CEACAM3: variants seen among roughly 807,000 people sequenced by gnomAD.
The protein encoded by CEACAM3 is CEA cell adhesion molecule 3.
In CEACAM3, 32 loss-of-function variants were observed where a neutral mutation model predicts 30.1. The observed-to-expected ratio is 1.06, with a 90% CI of 0.80 to 1.43. The LOEUF (loss-of-function observed/expected upper bound fraction) is 1.43. Among genes scored for constraint, CEACAM3 ranks in the 40% most tolerant of loss-of-function variants. The probability of loss-of-function intolerance (pLI) is 0.00; values close to 1 mark genes in which losing one functional copy is unlikely to be tolerated. For synonymous variants in CEACAM3, 134 were observed against 127.2 expected (o/e 1.05, Z -0.36); for missense variants, 290 against 316.3 (o/e 0.92, Z 0.63).
At chr19:41,809,015 C>A in intron 3 of CEACAM3, 85 bp downstream of exon 3, 1 of 978,630 alleles carries the variant, frequency 1.0e-6, no homozygotes, top group Non-Finnish European at 1.5e-6. Context: ...GTATTCAGGG[C>A]CAGGCTCTCC....
intron 3 of CEACAM3, chr19:41,809,157 A>C: frequency 4.4e-6 from 1 of 225,754 alleles, no homozygotes; most frequent in African/African-American, 2.4e-5. Context: ...CCCACCCCTG[A>C]GTGTGGCCCT....
Position 41,797,719 on chromosome 19 carries a change from C to G in CEACAM3, c.195C>G (p.Tyr65Ter). 1.9e-6 allele frequency: 3 copies of G among 1,613,990 alleles called. No homozygotes were observed. The highest frequency in any genetic ancestry group is 2.5e-6 in the Non-Finnish European group (3 of 1,179,962). Residue 65 changes from tyrosine (Y) to a stop codon, truncating the protein, a stop_gained, in exon 2 of 7, where the codon TAC becomes TAG. Transcript: ENST00000357396. LOFTEE classifies it high-confidence loss of function. The part of the protein sequence containing the change: ...VHNLPQHLFG[Y>*]SWYKGERVDG... ...ATCTGCCCCAGCATCTTTTTGGCTA[C>G]AGCTGGTACAAAGGGGAAAGAGTGG...
chr19:41,801,213 T>C (rs1188611290), intron 2 of CEACAM3, among the ~76,000 whole-genome samples: 1 of 152,084 alleles, frequency 6.6e-6, no homozygotes, highest in Non-Finnish European at 1.5e-5. Context: ...GCTGTTCTGT[T>C]CCCTTCCCAC....
chr19:41,808,789 C>A, intron 2 of CEACAM3, 24 bp from the exon 3 acceptor site: 1 of 1,593,136 alleles, frequency 6.3e-7, no homozygotes, highest in Non-Finnish European at 8.6e-7. Context: ...GGCCTCTATC[C>A]CCTTTGCCTT....
chr19:41,803,851 G>T (rs777428614), intron 2 of CEACAM3, among the ~76,000 whole-genome samples: 19 of 152,046 alleles, frequency 1.2e-4, no homozygotes, highest in African/African-American at 4.1e-4. Flanking sequence ...AGGCTGAGGC[G>T]GGTGGATCAC....
At chr19:41,808,708 T>C (rs2073223344) in intron 2 of CEACAM3, 105 bp from the exon 3 acceptor site, 5 of 844,792 alleles carry the variant, frequency 5.9e-6, no homozygotes, top group Admixed American at 4.3e-5. Context: ...TCAGGCCCCA[T>C]GGCATCTCCT....
intron 2 of CEACAM3, among the ~76,000 whole-genome samples, chr19:41,802,820 G>T (rs782035732): frequency 3.3e-5 from 5 of 152,146 alleles, no homozygotes; most frequent in Non-Finnish European, 7.3e-5. Flanking sequence ...AGCCTAACTG[G>T]CCTGGCAGTG....
rs183470950 is a variant in CEACAM3 at position 41,802,690 on chromosome 19, C to A, written c.424+4742C>A. Among the ~76,000 whole-genome samples the A allele has an allele frequency of 2.0e-3, 300 of 152,332 alleles. 1 individual carries two copies. Among genetic ancestry groups the A allele is most frequent in the Non-Finnish European group, 3.0e-3 (206 of 68,036 alleles). ...AGGCAACAAAGATCCCCTCCTCCTT[C>A]CTGAAGCGGGAGGGGGAAAGGAATT... On this transcript the variant is annotated intron_variant, in intron 2 of 6. Coordinates refer to ENST00000357396, the MANE Select transcript of CEACAM3 (RefSeq NM_001815.5).
intron 1 of CEACAM3, 148 bp downstream of exon 1, chr19:41,796,889 A>G (rs1250742606): frequency 3.9e-6 from 3 of 762,320 alleles, no homozygotes; most frequent in Middle Eastern, 2.4e-4. Flanking sequence ...ACGGGTCACA[A>G]CAAGACAATC....
chr19:41,808,716 CCTT>C, intron 2 of CEACAM3, 94 bp from the exon 3 acceptor site: 1 of 931,954 alleles, frequency 1.1e-6, no homozygotes, highest in Non-Finnish European at 1.7e-6. Flanking sequence ...CATGGCATCT[CCTT>C]CTTCCCTGAC....
At chr19:41,801,035 C>T (rs761882891) in intron 2 of CEACAM3, among the ~76,000 whole-genome samples, 1 of 152,138 alleles carries the variant, frequency 6.6e-6, no homozygotes, top group Admixed American at 6.5e-5. Context: ...TCCCTAGGGT[C>T]TCTGAGGTCA....
Position 41,796,591 on chromosome 19 carries a change from G to A in CEACAM3, c.-87G>A. The A allele has an allele frequency of 6.7e-7, 1 of 1,496,582 alleles. No individual in the cohort carries two copies. The highest frequency in any genetic ancestry group is 9.3e-7 in the Non-Finnish European group (1 of 1,076,618). The allele number at this position is 1,496,582 out of a possible 1,614,324, so 92.7% of individuals were successfully genotyped here. ...CAGCATGGAAAGAGGAAGGACAGCAGAGCCTAAGTCACAGTAGCCCTGACT... is the reference window on the plus strand; with the variant it reads ...CAGCATGGAAAGAGGAAGGACAGCAAAGCCTAAGTCACAGTAGCCCTGACT... On this transcript the variant is annotated 5_prime_UTR_variant, in exon 1 of 7. Transcript: ENST00000357396.
In CEACAM3 at chr19:41,811,029, AG is replaced by A. The variant is rs1555827555; in HGVS notation, c.693+135del. 3 of 1,255,632 alleles carry A rather than the reference AG, an allele frequency of 2.4e-6. No individual in the cohort carries two copies. In the South Asian group the frequency reaches 3.8e-5, roughly 16 times the overall value. 77.8% of individuals were successfully genotyped at this position (1,255,632 alleles called of 1,614,324 possible). ...TAAGAACGGGGGTGGCGAGCAGAGG[AG>A]GGAGGGGCTTGGGAGCAGGAACCCC... On this transcript the variant is annotated intron_variant, in intron 6 of 6. Transcript: ENST00000357396.
rs782794132 is a variant in CEACAM3 at position 41,808,796 on chromosome 19, CCTT to C, written c.425-10_425-8del. ...TAGACTTGGGCCTCTATCCCCTTTG[CCTT>C]CTTCTTTCTGCAGAAGAAAATGCCC... On this transcript the variant is annotated splice_polypyrimidine_tract_variant and intron_variant, in intron 2 of 6. Transcript: ENST00000357396. 12 of 1,602,938 alleles carry C rather than the reference CCTT, an allele frequency of 7.5e-6. No homozygotes were observed. Among genetic ancestry groups the C allele is most frequent in the African/African-American group, 4.0e-5 (3 of 74,694 alleles).
intron 4 of CEACAM3, 115 bp from the exon 5 acceptor site, chr19:41,810,208 A>G: frequency 7.1e-7 from 1 of 1,401,192 alleles, no homozygotes; most frequent in Non-Finnish European, 9.9e-7. Context: ...GTCATGGGTC[A>G]CCTCCCCAAC....
At position 41,796,742 on chromosome 19, in the gene CEACAM3, G is replaced by A. The variant is rs2073105670; in HGVS notation, c.64+1G>A. 2 of 1,611,858 alleles carry A rather than the reference G, an allele frequency of 1.2e-6. No homozygotes were observed. Among genetic ancestry groups the A allele is most frequent in the African/African-American group, 1.3e-5 (1 of 74,970 alleles). ...CCCTGGCAGGGGCTTCTGCTCACAG[G>A]TGAGTGGAGGATTCCTGGGAGTGGG... On this transcript the variant is annotated splice_donor_variant, in intron 1 of 6. Coordinates refer to ENST00000357396, the MANE Select transcript of CEACAM3 (RefSeq NM_001815.5). LOFTEE classifies it high-confidence loss of function.
At chr19:41,806,517 C>T (rs924238227) in intron 2 of CEACAM3, among the ~76,000 whole-genome samples, 2 of 152,174 alleles carry the variant, frequency 1.3e-5, no homozygotes, top group Admixed American at 1.3e-4. Context: ...GACTCCTGGT[C>T]CTGTGTCTGT....
At position 41,805,078 on chromosome 19, in the gene CEACAM3, A is replaced by T. The variant is rs1213522895; in HGVS notation, c.425-3735A>T. ...TGCTAAACCGATACTTGTAATACAA[A>T]TATTCCAAAATAAAAAATAATTAGA... On this transcript the variant is annotated intron_variant, in intron 2 of 6. Transcript: ENST00000357396. 5.9e-5 allele frequency among the ~76,000 whole-genome samples: 9 copies of T among 152,216 alleles called. No homozygotes were observed. In the East Asian group the frequency reaches 1.3e-3, roughly 23 times the overall value.
chr19:41,803,708 T>A (rs1600518408), intron 2 of CEACAM3, among the ~76,000 whole-genome samples: 46,104 of 107,446 alleles, frequency 0.43, 15,178 homozygotes, highest in Middle Eastern at 0.71. Flanking sequence ...CCTCATGATC[T>A]GCCCGCCTTG....
Sources: allele counts gnomAD v4.1 joint callset (sites outside exome capture counted in the v4.1 genomes callset), GRCh38; gene constraint gnomAD v4.1.1; transcripts MANE v1.5; gene names NCBI Gene and HGNC (gene_info 2026-07-23, HGNC 2026-07-21).